Variants in VPS53 observed in about 807,000 individuals in gnomAD.
The protein encoded by VPS53 is VPS53 subunit of GARP complex, also known as vacuolar protein sorting-associated protein 53 homolog.
VPS53 carries 70 observed loss-of-function variants against 107.0 expected under a neutral mutation model. The ratio of observed to expected loss-of-function variants is 0.65; its 90% CI spans 0.54 to 0.80. VPS53 has a LOEUF of 0.80. Ranked by LOEUF, VPS53 falls within the 30% of genes least tolerant of loss-of-function variation. The probability of loss-of-function intolerance (pLI) is 0.00; values close to 1 mark genes in which losing one functional copy is unlikely to be tolerated. For synonymous variants in VPS53, 409 were observed against 393.3 expected (o/e 1.04, Z -0.47); for missense variants, 917 against 1,049.4 (o/e 0.87, Z 1.74).
chr17:598,777 C>T (rs1272455546), intron 12 of VPS53, among the ~76,000 whole-genome samples: 1 of 132,138 alleles, frequency 7.6e-6, no homozygotes, highest in Non-Finnish European at 1.6e-5. Context: ...GCCGCCCCGT[C>T]TGAGAAGTGA....
chr17:527,139 G>A (rs16953298), intron 19 of VPS53, among the ~76,000 whole-genome samples: 3,084 of 152,278 alleles, frequency 0.02, 34 homozygotes, highest in Middle Eastern at 0.051. Context: ...GCTGCCTAAC[G>A]GAAGACAGAG....
At chr17:557,634 G>A (rs985351940) in intron 15 of VPS53, among the ~76,000 whole-genome samples, 3 of 151,942 alleles carry the variant, frequency 2.0e-5, no homozygotes, top group Admixed American at 1.3e-4. Context: ...TCTTTTAGTG[G>A]AAAATTGTAT....
chr17:551,814 A>G, intron 17 of VPS53, 58 bp downstream of exon 17: 1 of 1,461,746 alleles, frequency 6.8e-7, no homozygotes, highest in South Asian at 1.3e-5. Flanking sequence ...AAGGGCCAGT[A>G]GAAGCCACCT....
chr17:593,899 G>C (rs1967812662), intron 12 of VPS53, among the ~76,000 whole-genome samples: 1 of 152,112 alleles, frequency 6.6e-6, no homozygotes, highest in African/African-American at 2.4e-5. Context: ...GCAAAGACTT[G>C]GAACCAACCC....
intron 2 of VPS53, among the ~76,000 whole-genome samples, chr17:704,479 T>C (rs569305174): frequency 6.6e-6 from 1 of 152,324 alleles, no homozygotes; most frequent in South Asian, 2.1e-4. Flanking sequence ...GTCCATGAGG[T>C]ATACAGATGG....
At chr17:699,677 C>T (rs375175862) in intron 2 of VPS53, among the ~76,000 whole-genome samples, 9 of 152,300 alleles carry the variant, frequency 5.9e-5, no homozygotes, top group East Asian at 5.8e-4. Context: ...TCGTGAAAGA[C>T]GCTGTACAGC....
At position 522,004 on chromosome 17, in the gene VPS53, A is replaced by G. The variant is rs187866671; in HGVS notation, c.2086-266T>C. On this transcript the variant is annotated intron_variant, in intron 19 of 21. Transcript: ENST00000437048. ...AGCCGTGGCTCACACCTGTAATCCC[A>G]GCACTTCAGGAGGGCCAGGCAGCAG... 2.7e-3 allele frequency among the ~76,000 whole-genome samples: 412 copies of G among 152,336 alleles called. 1 individual carries two copies. Among genetic ancestry groups the G allele is most frequent in the Non-Finnish European group, 4.9e-3 (333 of 68,030 alleles).
At chr17:692,322 C>T (rs1040365295) in intron 4 of VPS53, among the ~76,000 whole-genome samples, 2 of 152,072 alleles carry the variant, frequency 1.3e-5, no homozygotes, top group East Asian at 1.9e-4. Flanking sequence ...AAGTTTTAAA[C>T]GTGGGCATTT....
chr17:686,057 G>A (rs1192712498), intron 4 of VPS53, among the ~76,000 whole-genome samples: 1 of 151,644 alleles, frequency 6.6e-6, no homozygotes, highest in Non-Finnish European at 1.5e-5. Context: ...AGTGGCTCAT[G>A]CCTGTAATTC....
At position 653,374 on chromosome 17, in the gene VPS53, A is replaced by G; in HGVS notation, c.525T>C (p.Ala175=). ...CATTCATCACACCCTGAAGGAGATT[A>G]GCAACTTCTCCGTATTGTCTTCGCC... is the stretch of plus-strand genomic sequence containing the variant. ...MTRRRQYGEV[A]NLLQGVMNVL... Residue 175 remains alanine, a synonymous_variant, in exon 7 of 22, where the codon GCT becomes GCC. Coordinates refer to ENST00000437048, the MANE Select transcript of VPS53 (RefSeq NM_001128159.3). 3 of 1,614,280 alleles carry G rather than the reference A, an allele frequency of 1.9e-6. No homozygotes were observed. Among genetic ancestry groups the G allele is most frequent in the Non-Finnish European group, 2.5e-6 (3 of 1,180,056 alleles).
chr17:521,578 C>A, intron 20 of VPS53, 23 bp downstream of exon 20: 2 of 1,510,984 alleles, frequency 1.3e-6, no homozygotes, highest in Non-Finnish European at 1.8e-6. Context: ...AAATAACTGG[C>A]CCCTTTTAAC....
Position 588,745 on chromosome 17 carries a change from A to G in VPS53, c.1219-2381T>C, listed in dbSNP as rs1967469400. ...CTTGGACTGAGCCCACAACCACACA[A>G]GCCTGGCTGATTGAGCTTGAATCTG... On this transcript the variant is annotated intron_variant, in intron 12 of 21. Coordinates refer to ENST00000437048, the MANE Select transcript of VPS53 (RefSeq NM_001128159.3). Among the ~76,000 whole-genome samples the G allele has an allele frequency of 1.3e-5, 2 of 152,184 alleles. 1 individual carries two copies. Among genetic ancestry groups the G allele is most frequent in the South Asian group, 4.1e-4 (2 of 4,828 alleles).
At chr17:620,809 C>T (rs756700137) in intron 11 of VPS53, among the ~76,000 whole-genome samples, 27 of 151,682 alleles carry the variant, frequency 1.8e-4, no homozygotes, top group Non-Finnish European at 3.7e-4. Flanking sequence ...GGTTTTGTCA[C>T]GGTAGCCAGG....
intron 3 of VPS53, 33 bp downstream of exon 3, chr17:699,298 A>C (rs145840534): frequency 6.7e-7 from 1 of 1,482,554 alleles, no homozygotes; most frequent in South Asian, 1.4e-5. Flanking sequence ...TATACTTTTC[A>C]TTAATTATGA....
intron 6 of VPS53, among the ~76,000 whole-genome samples, chr17:653,884 C>T (rs566526041): frequency 2.6e-5 from 4 of 152,294 alleles, no homozygotes; most frequent in African/African-American, 4.8e-5. Flanking sequence ...CGGCCAGGCG[C>T]GGTGGCTCAG....
chr17:686,799 C>T (rs1013134521), intron 4 of VPS53, among the ~76,000 whole-genome samples: 1 of 152,148 alleles, frequency 6.6e-6, no homozygotes, highest in Non-Finnish European at 1.5e-5. Flanking sequence ...GGTGTTCCTG[C>T]CATTTACTAA....
chr17:541,312 GT>G (rs1475361539), intron 17 of VPS53, among the ~76,000 whole-genome samples: 9 of 152,208 alleles, frequency 5.9e-5, no homozygotes, highest in African/African-American at 2.2e-4. Context: ...ATGAAGGAAT[GT>G]TTATCAACCG....
intron 11 of VPS53, among the ~76,000 whole-genome samples, chr17:610,582 A>G (rs767514411): frequency 2.0e-5 from 3 of 152,096 alleles, no homozygotes; most frequent in Non-Finnish European, 4.4e-5. Context: ...GGGAGAAAAC[A>G]TTGGCAAATC....
intron 4 of VPS53, among the ~76,000 whole-genome samples, chr17:673,066 T>G (rs1420673569): frequency 1.3e-5 from 2 of 149,764 alleles, no homozygotes; most frequent in Admixed American, 6.7e-5. Flanking sequence ...GAGCCGAGAT[T>G]GTGCCACTGC....
Sources: allele counts gnomAD v4.1 joint callset (sites outside exome capture counted in the v4.1 genomes callset), GRCh38; gene constraint gnomAD v4.1.1; transcripts MANE v1.5; gene names NCBI Gene and HGNC (gene_info 2026-07-23, HGNC 2026-07-21).